The following ZRSR2 variants were observed in gnomAD, a reference collection of about 807,000 sequenced individuals.
ZRSR2 encodes the protein U2 small nuclear ribonucleoprotein auxiliary factor 35 kDa subunit-related protein 2.
In ZRSR2, 3 loss-of-function variants were observed where a neutral mutation model predicts 39.4. The observed-to-expected ratio is 0.08, with a 90% CI of 0.03 to 0.20. The LOEUF (loss-of-function observed/expected upper bound fraction) is 0.20. Among genes scored for constraint, ZRSR2 ranks in the 10% least tolerant of loss-of-function variants. ZRSR2 has a pLI of 1.00. For missense variants in ZRSR2, 256 were observed against 391.5 expected (o/e 0.65, Z 2.92); for synonymous variants, 137 against 136.0 (o/e 1.01, Z -0.05).
rs189467064 is a variant in ZRSR2, at chrX:15,809,156, A to G, written c.439-44A>G. 2.1e-3 allele frequency: 1,885 copies of G among 914,995 alleles called. 2 individuals carry two copies. Among genetic ancestry groups the G allele is most frequent in the Non-Finnish European group, 2.2e-3 (1,397 of 631,017 alleles). 75.4% of individuals were successfully genotyped at this position (914,995 alleles called of 1,213,427 possible). A position where few individuals can be genotyped will look rare whatever the true frequency, so the allele number is the denominator to read the frequency against. On this transcript the variant is annotated intron_variant, in intron 6 of 10. Transcript: ENST00000307771. The stretch of plus-strand genomic sequence containing the variant: ...TATACTTTGAAACATTTCGTCTTTC[A>G]TGGGTTTTTACTCCACCAGTAAAGT...
chrX:15,804,574 C>T (rs766355498), intron 5 of ZRSR2, among the ~76,000 whole-genome samples: 3 of 111,772 alleles, frequency 2.7e-5, no homozygotes, highest in Non-Finnish European at 5.6e-5. Flanking sequence ...TGGCTGTGTT[C>T]CAGGAAAGCT....
chrX:15,800,298 T>C (rs1459526667), intron 3 of ZRSR2, among the ~76,000 whole-genome samples: 1 of 107,038 alleles, frequency 9.3e-6, no homozygotes, highest in African/African-American at 3.4e-5. Context: ...GCGATTCTCC[T>C]GCCTCAGCCT....
chrX:15,817,373 G>C (rs1932999560), intron 8 of ZRSR2, among the ~76,000 whole-genome samples: 1 of 111,432 alleles, frequency 9.0e-6, no homozygotes, highest in African/African-American at 3.3e-5. Context: ...GATACCCTAA[G>C]AAAAATACTC....
intron 2 of ZRSR2, among the ~76,000 whole-genome samples, chrX:15,798,162 G>A (rs1408363372): frequency 8.9e-6 from 1 of 112,306 alleles, no homozygotes; most frequent in Non-Finnish European, 1.9e-5. Context: ...AAGACTGGAT[G>A]AGCCTTCAGT....
chrX:15,818,802 C>T (rs985310197), intron 9 of ZRSR2, among the ~76,000 whole-genome samples, 160 bp downstream of exon 9: 5 of 110,389 alleles, frequency 4.5e-5, no homozygotes. Context: ...CGGAGTTTCG[C>T]TCTTGTTGCC....
intron 7 of ZRSR2, among the ~76,000 whole-genome samples, chrX:15,812,694 T>C (rs764097078): frequency 5.6e-4 from 63 of 112,149 alleles, no homozygotes; most frequent in Non-Finnish European, 1.0e-3. Context: ...CCAAAAGTGA[T>C]TTAAAGAAGG....
At chrX:15,798,293 C>T (rs1226490150) in intron 2 of ZRSR2, among the ~76,000 whole-genome samples, 1 of 110,645 alleles carries the variant, frequency 9.0e-6, no homozygotes, top group African/African-American at 3.3e-5. Context: ...GATTTTTTTC[C>T]CAAATTTTGA....
intron 2 of ZRSR2, among the ~76,000 whole-genome samples, chrX:15,798,950 G>A (rs1443566938): frequency 9.0e-6 from 1 of 111,532 alleles, no homozygotes; most frequent in Non-Finnish European, 1.9e-5. Flanking sequence ...CACTTTGGGA[G>A]GCCGAGGCAG....
At chrX:15,808,412 A>T in intron 6 of ZRSR2, 141 bp downstream of exon 6, 1 of 553,142 alleles carries the variant, frequency 1.8e-6, no homozygotes, top group East Asian at 3.6e-5. Flanking sequence ...GCTTTGATTT[A>T]TACAACAACA....
chrX:15,819,488 G>A (rs925417860), intron 9 of ZRSR2, among the ~76,000 whole-genome samples: 6 of 110,575 alleles, frequency 5.4e-5, no homozygotes, highest in Non-Finnish European at 7.6e-5. Flanking sequence ...GAGGCAGGAG[G>A]ATCACTTGAG....
intron 7 of ZRSR2, 22 bp downstream of exon 7, chrX:15,809,340 T>C (rs1601819441): frequency 9.2e-7 from 1 of 1,088,092 alleles, no homozygotes; most frequent in Non-Finnish European, 1.3e-6. Context: ...TGTTTTATCA[T>C]GTCAGAATGA....
At chrX:15,790,891 C>T in intron 1 of ZRSR2, 43 bp from the exon 2 acceptor site, 2 of 1,143,892 alleles carry the variant, frequency 1.7e-6, no homozygotes, top group Non-Finnish European at 2.4e-6. Context: ...GGCAGCGCTG[C>T]ATTGTAGCCG....
intron 3 of ZRSR2, 71 bp downstream of exon 3, chrX:15,800,024 A>G: frequency 1.4e-6 from 1 of 732,485 alleles, no homozygotes; most frequent in Non-Finnish European, 2.0e-6. Flanking sequence ...TTTACTAACC[A>G]GTACCAGTCT....
chrX:15,818,819 A>G (rs1398613110), intron 9 of ZRSR2, among the ~76,000 whole-genome samples, 177 bp downstream of exon 9: 1 of 110,186 alleles, frequency 9.1e-6, no homozygotes, highest in African/African-American at 3.3e-5. Flanking sequence ...TGCCCAGGCT[A>G]GAGTGCAATG....
intron 8 of ZRSR2, among the ~76,000 whole-genome samples, chrX:15,818,297 G>A (rs1933019118): frequency 8.9e-6 from 1 of 112,526 alleles, no homozygotes; most frequent in Non-Finnish European, 1.9e-5. Flanking sequence ...AAACGTTAGT[G>A]TTAAATCTGG....
chrX:15,791,236 G>A (rs1932266844), intron 2 of ZRSR2, among the ~76,000 whole-genome samples: 1 of 112,050 alleles, frequency 8.9e-6, no homozygotes, highest in Admixed American at 9.5e-5. Context: ...CACTGATTCT[G>A]TGTAACTTAT....
intron 7 of ZRSR2, among the ~76,000 whole-genome samples, chrX:15,813,519 T>A (rs745590473): frequency 8.9e-6 from 1 of 112,352 alleles, no homozygotes; most frequent in East Asian, 2.8e-4. Flanking sequence ...GCCTTTTGTA[T>A]ACACTTAGAT....
intron 5 of ZRSR2, among the ~76,000 whole-genome samples, chrX:15,805,566 GT>G (rs1468987103): frequency 8.9e-6 from 1 of 112,255 alleles, no homozygotes; most frequent in Non-Finnish European, 1.9e-5. Flanking sequence ...CATTGAGCTA[GT>G]TTTTTATATG....
chrX:15,807,661 T>A (rs888543996), intron 5 of ZRSR2, among the ~76,000 whole-genome samples: 9 of 111,434 alleles, frequency 8.1e-5, no homozygotes, highest in African/African-American at 2.9e-4. Flanking sequence ...TCAAATATAC[T>A]AAGTATTACT....
Sources: allele counts gnomAD v4.1 joint callset (sites outside exome capture counted in the v4.1 genomes callset), GRCh38; gene constraint gnomAD v4.1.1; transcripts MANE v1.5; gene names NCBI Gene and HGNC (gene_info 2026-07-23, HGNC 2026-07-21).